The following TNNC2 variants were observed in gnomAD, a reference collection of about 807,000 sequenced individuals.
The protein encoded by TNNC2 is troponin C, skeletal muscle.
In TNNC2, 14 loss-of-function variants were observed where a neutral mutation model predicts 20.0. The observed-to-expected ratio is 0.70, with a 90% CI of 0.46 to 1.09. The LOEUF (loss-of-function observed/expected upper bound fraction) is 1.09. TNNC2 is among the 50% of genes least tolerant of loss of function. TNNC2 has a pLI of 0.00. For missense variants in TNNC2, 163 were observed against 223.8 expected (o/e 0.73, Z 1.73); for synonymous variants, 81 against 77.3 (o/e 1.05, Z -0.25).
At chr20:45,826,907 G>C (rs1170967412) in intron 1 of TNNC2, among the ~76,000 whole-genome samples, 1 of 152,166 alleles carries the variant, frequency 6.6e-6, no homozygotes, top group Admixed American at 6.5e-5. Flanking sequence ...GCTCACCCCT[G>C]CCACTGGCCT....
chr20:45,824,875 C>T, intron 1 of TNNC2, 41 bp from the exon 2 acceptor site: 2 of 1,612,864 alleles, frequency 1.2e-6, no homozygotes, highest in Middle Eastern at 3.3e-4. Flanking sequence ...AAGAGGCAGC[C>T]CCAGAGCAGT....
upstream of TNNC2, among the ~76,000 whole-genome samples, chr20:45,831,586 T>C (rs912132820): frequency 4.6e-5 from 7 of 151,702 alleles, no homozygotes; most frequent in South Asian, 6.2e-4. Context: ...GCCTGGGTGA[T>C]GGAGTAAGAC....
At chr20:45,826,533 A>G (rs1057281149) in intron 1 of TNNC2, among the ~76,000 whole-genome samples, 1 of 152,198 alleles carries the variant, frequency 6.6e-6, no homozygotes, top group Admixed American at 6.5e-5. Context: ...GGAGCTCTTC[A>G]GCCAGCTGGC....
Position 45,824,885 on chromosome 20 carries a change from T to C in TNNC2, c.4-51A>G, listed in dbSNP as rs539018357. The stretch of plus-strand genomic sequence containing the variant: ...AGCTGAAGAGGCAGCCCCAGAGCAG[T>C]TCCTCACCTCAAAGCCATTCTTCCC... On this transcript the variant is annotated intron_variant, in intron 1 of 5. Coordinates refer to ENST00000372555, the MANE Select transcript of TNNC2 (RefSeq NM_003279.3). The C allele has an allele frequency of 3.4e-5, 55 of 1,606,340 alleles. 1 individual carries two copies. The South Asian group carries it at 5.7e-4, about 17-fold the overall frequency.
At chr20:45,826,165 G>A (rs2145727862) in intron 1 of TNNC2, among the ~76,000 whole-genome samples, 1 of 152,270 alleles carries the variant, frequency 6.6e-6, no homozygotes, top group East Asian at 1.9e-4. Context: ...TCCTAATGGT[G>A]CCCGGTACTT....
At chr20:45,829,160 G>GTTT (rs57079984), upstream of TNNC2, among the ~76,000 whole-genome samples, 9 of 98,272 alleles carry the variant, frequency 9.2e-5, no homozygotes, top group Admixed American at 1.2e-4. Context: ...TTTGTTTTTG[G>GTTT]TTTTTTTTTT....
At position 45,824,483 on chromosome 20, in the gene TNNC2, A is replaced by G; in HGVS notation, c.199+12T>C. ...CCCCACCATCCCCTGCCTCCGAGGGACACCCGCTCACCGTCCTCATCCACC... is the reference window on the plus strand; with the variant it reads ...CCCCACCATCCCCTGCCTCCGAGGGGCACCCGCTCACCGTCCTCATCCACC... On this transcript the variant is annotated intron_variant, in intron 3 of 5. Transcript: ENST00000372555. 1 of 1,613,072 alleles carries G rather than the reference A, an allele frequency of 6.2e-7. No homozygotes were observed. Among genetic ancestry groups the G allele is most frequent in the South Asian group, 1.1e-5 (1 of 91,078 alleles).
In TNNC2 at chr20:45,823,261, G is replaced by C; in HGVS notation, c.*87C>G. 1 of 1,307,704 alleles carries C rather than the reference G, an allele frequency of 7.6e-7. No individual in the cohort carries two copies. The highest frequency in any genetic ancestry group is 1.0e-6 in the Non-Finnish European group (1 of 961,574). 81.0% of individuals were successfully genotyped at this position (1,307,704 alleles called of 1,614,324 possible). ...CCTTCCAGACAAAGACCCACAAGGG[G>C]TCGCGCCTCCCTGGTGGGGACCCGG... On this transcript the variant is annotated 3_prime_UTR_variant, in exon 6 of 6. Coordinates refer to ENST00000372555, the MANE Select transcript of TNNC2 (RefSeq NM_003279.3). The surrounding 1 kb of genome is among the most constrained non-coding windows in gnomAD (Gnocchi z 4.6).
At chr20:45,825,129 T>C (rs898499044) in intron 1 of TNNC2, among the ~76,000 whole-genome samples, 1 of 151,528 alleles carries the variant, frequency 6.6e-6, no homozygotes, top group Admixed American at 6.6e-5. Flanking sequence ...GACTATAGCA[T>C]ACACCACGCC....
At chr20:45,832,371 C>A (rs1983136382) in intron 2 of TNNC2, among the ~76,000 whole-genome samples, 1 of 152,164 alleles carries the variant, frequency 6.6e-6, no homozygotes, top group African/African-American at 2.4e-5. Context: ...AAAATCCCAG[C>A]CCCTCTATTT....
intron 1 of TNNC2, among the ~76,000 whole-genome samples, chr20:45,825,504 C>T (rs558297139): frequency 7.9e-5 from 12 of 151,578 alleles, no homozygotes; most frequent in African/African-American, 2.9e-4. Flanking sequence ...GTTGGCCAGG[C>T]TGGTCTTGAA....
chr20:45,832,007 C>T (rs558008431), upstream of TNNC2, among the ~76,000 whole-genome samples: 5 of 152,084 alleles, frequency 3.3e-5, no homozygotes, highest in African/African-American at 1.2e-4. Context: ...AAGAGTAATT[C>T]GAGGTTTGAA....
At chr20:45,832,702 CA>C (rs1427767448) in intron 2 of TNNC2, among the ~76,000 whole-genome samples, 5 of 152,208 alleles carry the variant, frequency 3.3e-5, no homozygotes, top group Non-Finnish European at 7.3e-5. Flanking sequence ...GTATAACTAT[CA>C]AAATCTGCCC....
In TNNC2 at chr20:45,827,256, G is replaced by T. The variant is rs775977578; in HGVS notation, c.-8C>A. On this transcript the variant is annotated 5_prime_UTR_variant, in exon 1 of 6. Transcript: ENST00000372555. Reference sequence around the variant, plus strand: ...CCCTCTTGTCCTTACCATGGTTGCTGGTGACCGGGACTCCTCTGTTGCAGG... The same window carrying T: ...CCCTCTTGTCCTTACCATGGTTGCTTGTGACCGGGACTCCTCTGTTGCAGG... 1.2e-6 allele frequency: 2 copies of T among 1,614,088 alleles called. No homozygotes were observed. The highest frequency in any genetic ancestry group is 1.7e-6 in the Non-Finnish European group (2 of 1,180,020).
upstream of TNNC2, among the ~76,000 whole-genome samples, chr20:45,829,882 C>T (rs1011767128): frequency 6.6e-6 from 1 of 151,326 alleles, no homozygotes; most frequent in Admixed American, 6.6e-5. Flanking sequence ...GCTAGGATTA[C>T]AGGCATGAGC....
At chr20:45,831,891 C>T (rs539520977), upstream of TNNC2, among the ~76,000 whole-genome samples, 17 of 152,278 alleles carry the variant, frequency 1.1e-4, 1 homozygote, top group South Asian at 3.3e-3. Context: ...AGGCATATAC[C>T]GAAGGACAAG....
At position 45,823,218 on chromosome 20, in the gene TNNC2, G is replaced by T; in HGVS notation, c.*130C>A. On this transcript the variant is annotated 3_prime_UTR_variant, in exon 6 of 6. Coordinates refer to ENST00000372555, the MANE Select transcript of TNNC2 (RefSeq NM_003279.3). The surrounding 1 kb of genome is among the most constrained non-coding windows in gnomAD (Gnocchi z 4.6). Reference sequence around the variant, plus strand: ...TCCCCTCATTCAGGCCACGAGTTTTGGAACATTTGCTTTTATTCCTTCCAG... The same window carrying T: ...TCCCCTCATTCAGGCCACGAGTTTTTGAACATTTGCTTTTATTCCTTCCAG... The T allele has an allele frequency of 4.5e-6, 4 of 895,044 alleles. No homozygotes were observed. Among genetic ancestry groups the T allele is most frequent in the Non-Finnish European group, 6.4e-6 (4 of 629,526 alleles). The allele number at this position is 895,044 out of a possible 1,614,324, so 55.4% of individuals were successfully genotyped here.
chr20:45,824,195 C>T (rs944432512), intron 4 of TNNC2, 68 bp from the exon 5 acceptor site: 10 of 1,600,032 alleles, frequency 6.2e-6, no homozygotes, highest in Non-Finnish European at 6.8e-6. Flanking sequence ...ACACTCGACG[C>T]CCCGCTTCCG....
rs1292466301 is a variant in TNNC2, at chr20:45,824,552, CCAG to C, written c.139_141del (p.Leu47del). Reference sequence around the variant, plus strand: ...AGCTCCTCCTTGGTGGGTGTCTGGCCCAGCATCCTCATCACCGTGCCCAACTCC... The same window carrying C: ...AGCTCCTCCTTGGTGGGTGTCTGGCCCATCCTCATCACCGTGCCCAACTCC... On this transcript the variant is annotated inframe_deletion, in exon 3 of 6. Transcript: ENST00000372555. The C allele has an allele frequency of 1.2e-6, 2 of 1,613,378 alleles. No individual in the cohort carries two copies. The highest frequency in any genetic ancestry group is 3.3e-5 in the Admixed American group (2 of 59,988).
Sources: allele counts gnomAD v4.1 joint callset (sites outside exome capture counted in the v4.1 genomes callset), GRCh38; gene constraint gnomAD v4.1.1; non-coding constraint Gnocchi (gnomAD v3.1); transcripts MANE v1.5; gene names NCBI Gene and HGNC (gene_info 2026-07-23, HGNC 2026-07-21).